Variants in FGF12 observed in about 807,000 individuals in gnomAD.
FGF12 encodes the protein fibroblast growth factor 12.
Under a neutral mutation model 23.6 loss-of-function variants are expected in FGF12, and 14 were observed. The observed-to-expected ratio is 0.59, with a 90% CI of 0.39 to 0.93. The LOEUF is 0.93. FGF12 is among the 40% of genes least tolerant of loss of function. The pLI is 0.00. For synonymous variants in FGF12, 62 were observed against 77.3 expected (o/e 0.80, Z 1.04); for missense variants, 175 against 217.8 (o/e 0.80, Z 1.24).
At chr3:192,569,779 G>T (rs1016684881) in intron 2 of FGF12, among the ~76,000 whole-genome samples, 1 of 152,166 alleles carries the variant, frequency 6.6e-6, no homozygotes, top group Non-Finnish European at 1.5e-5. Flanking sequence ...ATTGAGAAAC[G>T]CATGTGCCAT....
At chr3:192,418,326 TGA>T (rs1303316649) in intron 2 of FGF12, among the ~76,000 whole-genome samples, 1 of 151,940 alleles carries the variant, frequency 6.6e-6, no homozygotes, top group Non-Finnish European at 1.5e-5. Context: ...ATCTCTGGGG[TGA>T]GTTAGTCCTC....
At chr3:192,159,673 G>A (rs145349654) in intron 5 of FGF12, among the ~76,000 whole-genome samples, 178 of 152,236 alleles carry the variant, frequency 1.2e-3, no homozygotes, top group African/African-American at 4.1e-3. Flanking sequence ...TAGAACCTAG[G>A]GCAGTGGTTG....
chr3:192,587,026 C>T (rs776696002), intron 2 of FGF12, among the ~76,000 whole-genome samples: 1 of 152,018 alleles, frequency 6.6e-6, no homozygotes, highest in Non-Finnish European at 1.5e-5. Flanking sequence ...TCACTGACCC[C>T]GGGGGGTCTA....
intron 3 of FGF12, among the ~76,000 whole-genome samples, chr3:192,344,392 T>C (rs1717853376): frequency 6.6e-6 from 1 of 152,200 alleles, no homozygotes; most frequent in African/African-American, 2.4e-5. Context: ...CCATCTTCTA[T>C]TATTGAAGTT....
intron 2 of FGF12, among the ~76,000 whole-genome samples, chr3:192,671,541 A>G (rs1228090756): frequency 1.3e-5 from 2 of 152,214 alleles, no homozygotes; most frequent in Non-Finnish European, 2.9e-5. Flanking sequence ...AGAAACACCC[A>G]TAACCATTTA....
intron 2 of FGF12, among the ~76,000 whole-genome samples, chr3:192,512,854 AT>A (rs1724528296): frequency 6.0e-5 from 8 of 133,348 alleles, no homozygotes; most frequent in South Asian, 2.4e-4. Flanking sequence ...ATATATATAT[AT>A]ATATAACAGG....
intron 2 of FGF12, among the ~76,000 whole-genome samples, chr3:192,661,583 A>G (rs964330479): frequency 4.6e-5 from 7 of 152,204 alleles, no homozygotes; most frequent in African/African-American, 1.7e-4. Flanking sequence ...GAAAAGGTGA[A>G]AGATATGAAA....
intron 2 of FGF12, among the ~76,000 whole-genome samples, chr3:192,577,830 A>T (rs1712974154): frequency 6.6e-6 from 1 of 152,132 alleles, no homozygotes; most frequent in African/African-American, 2.4e-5. Flanking sequence ...TATAGGTTGA[A>T]TAAACATGTA....
chr3:192,453,918 A>G (rs1265318880), intron 2 of FGF12, among the ~76,000 whole-genome samples: 6 of 152,222 alleles, frequency 3.9e-5, no homozygotes, highest in Non-Finnish European at 8.8e-5. Flanking sequence ...CTATGTAAAT[A>G]ATACATATTT....
chr3:192,214,323 G>T (rs535176756), intron 4 of FGF12, among the ~76,000 whole-genome samples: 10 of 152,306 alleles, frequency 6.6e-5, no homozygotes, highest in African/African-American at 2.4e-4. Flanking sequence ...CAGAACCAAA[G>T]CTAGAAATAA....
intron 2 of FGF12, among the ~76,000 whole-genome samples, chr3:192,497,571 ATTC>A (rs751407409): frequency 1.3e-5 from 2 of 152,314 alleles, no homozygotes; most frequent in Non-Finnish European, 1.5e-5. Context: ...CTTTCTTACA[ATTC>A]TTCTTCCCTT....
intron 2 of FGF12, among the ~76,000 whole-genome samples, chr3:192,571,199 C>A (rs1279306842): frequency 2.6e-5 from 4 of 152,224 alleles, no homozygotes; most frequent in Non-Finnish European, 5.9e-5. Context: ...AACCTTTTCT[C>A]CTGGAAAGGC....
chr3:192,477,949 A>G (rs1388875714), intron 2 of FGF12, among the ~76,000 whole-genome samples: 2 of 152,156 alleles, frequency 1.3e-5, no homozygotes, highest in African/African-American at 4.8e-5. Flanking sequence ...TCTGGAGATA[A>G]TTGCTTTCCC....
intron 2 of FGF12, among the ~76,000 whole-genome samples, chr3:192,567,783 T>TTCTTTCTTTCTTTCTG: frequency 1.5e-5 from 2 of 135,466 alleles, no homozygotes; most frequent in East Asian, 4.0e-4. Flanking sequence ...CTTTCTTTCT[T>TTCTTTCTTTCTTTCTG]TCTTTCTTTC....
At chr3:192,641,536 C>G (rs1349703648) in intron 2 of FGF12, among the ~76,000 whole-genome samples, 1 of 151,616 alleles carries the variant, frequency 6.6e-6, no homozygotes, top group Non-Finnish European at 1.5e-5. Context: ...TCCTGAGTAG[C>G]TGGGATTACA....
intron 2 of FGF12, among the ~76,000 whole-genome samples, chr3:192,662,134 T>TA (rs1185051343): frequency 2.6e-5 from 4 of 152,090 alleles, no homozygotes; most frequent in Non-Finnish European, 5.9e-5. Flanking sequence ...AAAGGAAAGG[T>TA]AAGAGAAAGA....
At chr3:192,445,248 T>A (rs1201974168) in intron 2 of FGF12, among the ~76,000 whole-genome samples, 1 of 152,204 alleles carries the variant, frequency 6.6e-6, no homozygotes, top group Non-Finnish European at 1.5e-5. Context: ...TGCAGCTTCT[T>A]AGGCCCTACC....
chr3:192,451,983 A>AT (rs778990928), intron 2 of FGF12, among the ~76,000 whole-genome samples: 131 of 151,714 alleles, frequency 8.6e-4, no homozygotes, highest in Non-Finnish European at 1.3e-3. Flanking sequence ...GCATTAATAG[A>AT]TTTTTTTTTC....
At chr3:192,555,414 T>A (rs1711719770) in intron 2 of FGF12, among the ~76,000 whole-genome samples, 1 of 152,096 alleles carries the variant, frequency 6.6e-6, no homozygotes, top group African/African-American at 2.4e-5. Context: ...CATAAATCAC[T>A]TTTAATTCTG....
Sources: allele counts gnomAD v4.1 joint callset (sites outside exome capture counted in the v4.1 genomes callset), GRCh38; gene constraint gnomAD v4.1.1; transcripts MANE v1.5; gene names NCBI Gene and HGNC (gene_info 2026-07-23, HGNC 2026-07-21).